NUBPL: variants seen among roughly 807,000 people sequenced by gnomAD.
NUBPL encodes the protein iron-sulfur cluster transfer protein NUBPL.
Under a neutral mutation model 45.7 loss-of-function variants are expected in NUBPL, and 31 were observed. That is an observed-to-expected ratio of 0.68 (90% confidence interval 0.51 to 0.92). The LOEUF is 0.92. Among genes scored for constraint, NUBPL ranks in the 40% least tolerant of loss-of-function variants. The probability of loss-of-function intolerance (pLI) is 0.00; values close to 1 mark genes in which losing one functional copy is unlikely to be tolerated. For synonymous variants in NUBPL, 144 were observed against 140.9 expected, an observed-to-expected ratio of 1.02 and a Z score of -0.15; for missense variants, 401 against 398.7, an observed-to-expected ratio of 1.01 and a Z score of -0.05.
intron 7 of NUBPL, among the ~76,000 whole-genome samples, chr14:31,798,303 G>GT (rs71115031): frequency 0.52 from 55,354 of 107,146 alleles, 15,073 homozygotes; most frequent in East Asian, 0.6. Context: ...TTTATTTATG[G>GT]TTTTTTTTTT....
intron 7 of NUBPL, among the ~76,000 whole-genome samples, chr14:31,816,165 C>G (rs7143532): frequency 0.16 from 24,121 of 151,956 alleles, 5,523 homozygotes; most frequent in African/African-American, 0.51. Flanking sequence ...ATCTGATCCT[C>G]GCTTTTATTG....
intron 6 of NUBPL, among the ~76,000 whole-genome samples, chr14:31,754,981 A>C (rs1025750312): frequency 1.3e-5 from 2 of 151,290 alleles, no homozygotes; most frequent in African/African-American, 4.9e-5. Flanking sequence ...AGTTTACTGA[A>C]AATGATGATT....
chr14:31,747,292 C>T lies in NUBPL; in HGVS notation c.514-40488C>T, dbSNP rs935308578. On this transcript the variant is annotated intron_variant, in intron 6 of 10. Transcript: ENST00000281081. ...CTGTGACTACAGGCGCCTGCCACCA[C>T]GCCCAGCTAATATTTTTTGTATTTT... Among the ~76,000 whole-genome samples the T allele has an allele frequency of 4.6e-5, 7 of 151,580 alleles. No individual in the cohort carries two copies. The East Asian group carries it at 7.8e-4, about 17-fold the overall frequency.
At chr14:31,802,000 T>C (rs1302302159) in intron 7 of NUBPL, among the ~76,000 whole-genome samples, 1 of 152,220 alleles carries the variant, frequency 6.6e-6, no homozygotes, top group Non-Finnish European at 1.5e-5. Flanking sequence ...TTGCTGTGGT[T>C]TGACTGTGTC....
intron 3 of NUBPL, among the ~76,000 whole-genome samples, chr14:31,577,541 A>G (rs2033748020): frequency 6.6e-6 from 1 of 152,048 alleles, no homozygotes; most frequent in African/African-American, 2.4e-5. Context: ...AGCTTTCCAA[A>G]TAGCTGGGAT....
intron 6 of NUBPL, among the ~76,000 whole-genome samples, chr14:31,679,705 T>C (rs1466007038): frequency 6.6e-6 from 1 of 152,222 alleles, no homozygotes; most frequent in Non-Finnish European, 1.5e-5. Flanking sequence ...ATTTTCCAAC[T>C]GTGTTTTTTC....
intron 6 of NUBPL, among the ~76,000 whole-genome samples, chr14:31,717,015 G>A (rs1227146528): frequency 6.6e-6 from 1 of 152,126 alleles, no homozygotes; most frequent in African/African-American, 2.4e-5. Context: ...TATAATCTGA[G>A]ATATTCTGAC....
chr14:31,851,223 C>T (rs1029567032), intron 10 of NUBPL, among the ~76,000 whole-genome samples: 2 of 147,034 alleles, frequency 1.4e-5, no homozygotes, highest in African/African-American at 5.3e-5. Flanking sequence ...AATCAATCTT[C>T]TAATAGTTTT....
At chr14:31,637,230 C>G (rs1230732119) in intron 4 of NUBPL, among the ~76,000 whole-genome samples, 1 of 152,174 alleles carries the variant, frequency 6.6e-6, no homozygotes, top group Non-Finnish European at 1.5e-5. Context: ...GCATTTAGTG[C>G]TATAAATTTC....
chr14:31,562,437 G>A (rs945545811), intron 2 of NUBPL, among the ~76,000 whole-genome samples: 1 of 152,076 alleles, frequency 6.6e-6, no homozygotes, highest in African/African-American at 2.4e-5. Flanking sequence ...GGAAAAAGTG[G>A]TCAGATTGTA....
At chr14:31,681,677 G>A (rs112145813) in intron 6 of NUBPL, among the ~76,000 whole-genome samples, 1,611 of 151,844 alleles carry the variant, frequency 0.011, 24 homozygotes, top group African/African-American at 0.037. Flanking sequence ...AAGCAGTTAA[G>A]GCTATAAATT....
intron 10 of NUBPL, among the ~76,000 whole-genome samples, chr14:31,854,663 C>A (rs1380905066): frequency 1.3e-5 from 2 of 152,114 alleles, no homozygotes; most frequent in Admixed American, 1.3e-4. Context: ...GAAACTGAGC[C>A]TAGAAGGGTT....
At chr14:31,755,931 C>T (rs886423524) in intron 6 of NUBPL, among the ~76,000 whole-genome samples, 3 of 151,690 alleles carry the variant, frequency 2.0e-5, no homozygotes, top group African/African-American at 7.3e-5. Context: ...AGCCAGTTTT[C>T]CCAGCACCAT....
At chr14:31,846,642 G>C (rs1238569442) in intron 9 of NUBPL, 51 bp downstream of exon 9, 2 of 1,606,170 alleles carry the variant, frequency 1.2e-6, no homozygotes, top group Non-Finnish European at 1.7e-6. Flanking sequence ...AGAGAAAGTG[G>C]GGATGAGGCT....
chr14:31,707,326 GT>G (rs1459227578), intron 6 of NUBPL, among the ~76,000 whole-genome samples: 3 of 152,242 alleles, frequency 2.0e-5, no homozygotes, highest in African/African-American at 7.2e-5. Context: ...ATTATCAATT[GT>G]GGGTTTTAAA....
chr14:31,587,506 C>T (rs917613456), intron 3 of NUBPL, among the ~76,000 whole-genome samples: 1 of 152,120 alleles, frequency 6.6e-6, no homozygotes, highest in Non-Finnish European at 1.5e-5. Context: ...TAAGTATGTG[C>T]ATTTGATTTA....
chr14:31,565,960 A>G (rs2033424256), intron 3 of NUBPL, among the ~76,000 whole-genome samples: 1 of 152,132 alleles, frequency 6.6e-6, no homozygotes, highest in Non-Finnish European at 1.5e-5. Flanking sequence ...AAAAAAAATA[A>G]CATTCAACTT....
chr14:31,859,306 G>T lies in NUBPL; in HGVS notation c.*126G>T. The T allele has an allele frequency of 4.9e-6, 4 of 814,712 alleles. No individual in the cohort carries two copies. The highest frequency in any genetic ancestry group is 8.4e-6 in the Non-Finnish European group (4 of 477,294). The allele number at this position is 814,712 out of a possible 1,614,324, so 50.5% of individuals were successfully genotyped here. A position where few individuals can be genotyped will look rare whatever the true frequency, so the allele number is the denominator to read the frequency against. ...ACTGTTTTATTTCTAAGGAAAGAATGTCTTCATATTTGACTTGCTAAGCTA... is the reference window on the plus strand; with the variant it reads ...ACTGTTTTATTTCTAAGGAAAGAATTTCTTCATATTTGACTTGCTAAGCTA... On this transcript the variant is annotated 3_prime_UTR_variant, in exon 11 of 11. Coordinates refer to ENST00000281081, the MANE Select transcript of NUBPL (RefSeq NM_025152.3).
chr14:31,591,151 G>A (rs985523229), intron 3 of NUBPL, among the ~76,000 whole-genome samples: 1 of 152,052 alleles, frequency 6.6e-6, no homozygotes, highest in Non-Finnish European at 1.5e-5. Context: ...TTCATACCAT[G>A]TTGTGACTTT....
Sources: allele counts gnomAD v4.1 joint callset (sites outside exome capture counted in the v4.1 genomes callset), GRCh38; gene constraint gnomAD v4.1.1; transcripts MANE v1.5; gene names NCBI Gene and HGNC (gene_info 2026-07-23, HGNC 2026-07-21).